The following UBE3A variants were observed in gnomAD, a reference collection of about 807,000 sequenced individuals.
UBE3A encodes the protein ubiquitin protein ligase E3A.
UBE3A carries 6 observed loss-of-function variants against 83.4 expected under a neutral mutation model. The ratio of observed to expected loss-of-function variants is 0.07; its 90% CI spans 0.04 to 0.14. UBE3A has a LOEUF of 0.14. UBE3A is among the 10% of genes least tolerant of loss of function. UBE3A has a pLI of 1.00. For synonymous variants in UBE3A, 337 were observed against 355.4 expected (o/e 0.95, Z 0.58); for missense variants, 456 against 1,036.1 (o/e 0.44, Z 7.69).
intron 5 of UBE3A, chr15:25,374,733 A>T (rs2080905252): frequency 6.6e-6 from 1 of 152,158 alleles, no homozygotes; most frequent in African/African-American, 2.4e-5. Context: ...CTTAAAATAC[A>T]ATTGCCTCTG....
chr15:25,336,494 G>A lies in UBE3A; in HGVS notation c.*2643C>T, dbSNP rs2152498686. 1 of 152,276 alleles carries A rather than the reference G, an allele frequency of 6.6e-6. No individual in the cohort carries two copies. Among genetic ancestry groups the A allele is most frequent in the East Asian group, 1.9e-4 (1 of 5,170 alleles). The allele number at this position is 152,276 out of a possible 1,614,324, so 9.4% of individuals were successfully genotyped here. On this transcript the variant is annotated 3_prime_UTR_variant, in exon 13 of 13. Transcript: ENST00000648336. ...TGTTCTAACAGAATGTCTGTACCGA[G>A]GAGGGATGAGTAACATCGGCAAGTT...
chr15:25,388,782 G>C (rs999572939), intron 4 of UBE3A, among the ~76,000 whole-genome samples: 1 of 152,088 alleles, frequency 6.6e-6, no homozygotes, highest in Non-Finnish European at 1.5e-5. Context: ...CAGGATACAA[G>C]GTTCATATAA....
At chr15:25,388,903 T>G (rs2083692236) in intron 4 of UBE3A, among the ~76,000 whole-genome samples, 1 of 152,148 alleles carries the variant, frequency 6.6e-6, no homozygotes, top group Non-Finnish European at 1.5e-5. Context: ...TAAGTACAGA[T>G]CTAACAAAAT....
chr15:25,348,670 A>G (rs1036596509), intron 11 of UBE3A, among the ~76,000 whole-genome samples: 1 of 152,190 alleles, frequency 6.6e-6, no homozygotes, highest in African/African-American at 2.4e-5. Flanking sequence ...TTATTTCAAG[A>G]TAGTAATAAA....
rs56329860 is a variant in UBE3A at position 25,433,270 on chromosome 15, G to A, written c.-165+5219C>T. 3.5e-3 allele frequency among the ~76,000 whole-genome samples: 512 copies of A among 148,058 alleles called. 3 individuals carry two copies. The highest frequency in any genetic ancestry group is 0.012 in the African/African-American group (495 of 39,778). On this transcript the variant is annotated intron_variant, in intron 1 of 12. Coordinates refer to ENST00000648336, the MANE Select transcript of UBE3A (RefSeq NM_130839.5). ...ATGATCTTGGCTCACTGCAACCTCC[G>A]CCTCCCGTGTTCAAGCGTTTCCCCT...
chr15:25,429,491 A>C (rs1318760463), intron 1 of UBE3A, among the ~76,000 whole-genome samples: 1 of 152,196 alleles, frequency 6.6e-6, no homozygotes, highest in Non-Finnish European at 1.5e-5. Context: ...ATTACCTTGG[A>C]AGATTATCTA....
intron 4 of UBE3A, among the ~76,000 whole-genome samples, chr15:25,400,391 C>G (rs1384064147): frequency 6.6e-6 from 1 of 152,180 alleles, no homozygotes; most frequent in Non-Finnish European, 1.5e-5. Context: ...TTACTTAGTA[C>G]CTAATACAAC....
Position 25,409,068 on chromosome 15 carries a change from G to A in UBE3A, c.20+20C>T. On this transcript the variant is annotated intron_variant, in intron 3 of 12. Coordinates refer to ENST00000648336, the MANE Select transcript of UBE3A (RefSeq NM_130839.5). ...TTACAATGACAGCCTTTTAAAGGCT[G>A]TAAAATAATTCAAAATTACCTTTTA... 1.3e-6 allele frequency: 2 copies of A among 1,581,464 alleles called. No individual in the cohort carries two copies. Among genetic ancestry groups the A allele is most frequent in the Non-Finnish European group, 1.7e-6 (2 of 1,161,454 alleles).
rs748803444 is a variant in UBE3A at position 25,354,694 on chromosome 15, C to A, written c.2125-11G>T. 3.7e-6 allele frequency: 6 copies of A among 1,608,806 alleles called. No individual in the cohort carries two copies. In the African/African-American group the frequency reaches 8.0e-5, roughly 22 times the overall value. ...AAGATTGACAAATTCCTGTAGAAAA[C>A]ATTAATCACAAGAACTTCTTATAAT... is the stretch of plus-strand genomic sequence containing the variant. On this transcript the variant is annotated splice_polypyrimidine_tract_variant and intron_variant, in intron 9 of 12. Transcript: ENST00000648336.
chr15:25,428,537 T>A (rs117647772), intron 1 of UBE3A, among the ~76,000 whole-genome samples: 16 of 152,308 alleles, frequency 1.1e-4, no homozygotes, highest in Non-Finnish European at 1.9e-4. Flanking sequence ...AGTAAGAAGG[T>A]TGGATGAAAT....
intron 1 of UBE3A, among the ~76,000 whole-genome samples, chr15:25,417,033 A>C (rs999200810): frequency 7.9e-5 from 12 of 152,134 alleles, no homozygotes; most frequent in African/African-American, 2.9e-4. Context: ...TGGCTTCAGA[A>C]ATCTGCCATT....
intron 4 of UBE3A, 151 bp from the exon 5 acceptor site, chr15:25,375,914 C>T (rs1370256492): frequency 1.3e-6 from 1 of 791,820 alleles, no homozygotes; most frequent in Non-Finnish European, 2.1e-6. Context: ...GCACTATTTA[C>T]CACAACTCCT....
At chr15:25,378,256 T>G (rs2081560332) in intron 4 of UBE3A, among the ~76,000 whole-genome samples, 1 of 152,080 alleles carries the variant, frequency 6.6e-6, no homozygotes, top group African/African-American at 2.4e-5. Flanking sequence ...CTTTATATAC[T>G]ACATAGGAGG....
rs201667751 is a variant in UBE3A at position 25,371,514 on chromosome 15, A to G, written c.660T>C (p.Asn220=). ...CATCATCAGGGCCTAATTTTTGCAA[A>G]TTGTTGTCTCCCTGTGAGCTATCAC... ...RIGDSSQGDN[N]LQKLGPDDVS... is the part of the protein sequence containing the mutation. Residue 220 remains asparagine, a synonymous_variant, in exon 6 of 13, where the codon AAT becomes AAC. Transcript: ENST00000648336. This position sits in a 1 kb window ranked among gnomAD's most constrained non-coding sequence, Gnocchi z 5.3. 6 of 1,613,982 alleles carry G rather than the reference A, an allele frequency of 3.7e-6. No individual in the cohort carries two copies. The highest frequency in any genetic ancestry group is 1.3e-5 in the African/African-American group (1 of 74,928).
chr15:25,416,656 A>C (rs1187580949), intron 1 of UBE3A, among the ~76,000 whole-genome samples: 3 of 152,048 alleles, frequency 2.0e-5, no homozygotes, highest in Non-Finnish European at 2.9e-5. Context: ...AAAAAAAAAA[A>C]AAACCTCATA....
intron 4 of UBE3A, among the ~76,000 whole-genome samples, chr15:25,398,815 A>AT (rs1491290061): frequency 0.16 from 6,667 of 42,590 alleles, 886 homozygotes; most frequent in East Asian, 0.34. Context: ...ATATATATAT[A>AT]AAAATACATA....
At chr15:25,401,216 T>G (rs1187416790) in intron 4 of UBE3A, among the ~76,000 whole-genome samples, 2 of 152,208 alleles carry the variant, frequency 1.3e-5, no homozygotes, top group African/African-American at 4.8e-5. Flanking sequence ...AGTTATTATT[T>G]TCTTCAGAAT....
intron 3 of UBE3A, chr15:25,407,339 G>A: frequency 2.1e-6 from 2 of 939,648 alleles, no homozygotes; most frequent in Non-Finnish European, 2.6e-6. Flanking sequence ...GGAAAGAGAA[G>A]AGAGGGAAAA....
intron 8 of UBE3A, 34 bp from the exon 9 acceptor site, chr15:25,356,090 T>G (rs757224979): frequency 6.2e-7 from 1 of 1,606,828 alleles, no homozygotes; most frequent in Admixed American, 1.7e-5. Flanking sequence ...GAGGCCACCA[T>G]AGAACTACAA....
Sources: gnomAD v4.1 joint callset for allele counts (sites outside exome capture counted in the v4.1 genomes callset) on GRCh38, gnomAD v4.1.1 for gene constraint, Gnocchi (gnomAD v3.1) non-coding constraint, MANE v1.5 for transcripts, NCBI Gene and HGNC (gene_info 2026-07-23, HGNC 2026-07-21) for gene names.